CD109: variants seen among roughly 807,000 people sequenced by gnomAD.
The protein encoded by CD109 is CD109 molecule, also known as CD109 antigen.
A neutral mutation model predicts 165.8 loss-of-function variants in CD109; 149 were observed. The observed-to-expected ratio is 0.90, with a 90% CI of 0.79 to 1.03. The LOEUF is 1.03. CD109 is among the 50% of genes least tolerant of loss of function. CD109 has a pLI of 0.00. For synonymous variants in CD109, 585 were observed against 592.1 expected, an observed-to-expected ratio of 0.99 and a Z score of 0.18; for missense variants, 1,712 against 1,677.8, an observed-to-expected ratio of 1.02 and a Z score of -0.36.
upstream of CD109, among the ~76,000 whole-genome samples, chr6:73,691,039 G>A (rs191177317): frequency 2.9e-4 from 44 of 152,132 alleles, no homozygotes; most frequent in Non-Finnish European, 5.3e-4. Context: ...TGTTTCTGCC[G>A]TGTTCCTCCC....
intron 25 of CD109, among the ~76,000 whole-genome samples, chr6:73,807,809 T>G (rs1011206280): frequency 6.6e-6 from 1 of 152,190 alleles, no homozygotes; most frequent in African/African-American, 2.4e-5. Flanking sequence ...TCTGTGATAC[T>G]GAGTGGGAGA....
At chr6:73,744,808 C>T (rs963980426) in intron 5 of CD109, among the ~76,000 whole-genome samples, 5 of 152,156 alleles carry the variant, frequency 3.3e-5, no homozygotes, top group Admixed American at 2.0e-4. Context: ...ATGTTTTTGG[C>T]ATCAGTTAGA....
At chr6:73,696,574 G>A (rs142653766) in intron 1 of CD109, among the ~76,000 whole-genome samples, 1 of 152,330 alleles carries the variant, frequency 6.6e-6, no homozygotes, top group East Asian at 1.9e-4. Flanking sequence ...AGTCCACATT[G>A]CCTCTGCCTT....
chr6:73,807,675 C>T (rs1442885491), intron 25 of CD109, among the ~76,000 whole-genome samples: 1 of 152,072 alleles, frequency 6.6e-6, no homozygotes, highest in Non-Finnish European at 1.5e-5. Flanking sequence ...ATTAGGACCC[C>T]CACTATTTTC....
At chr6:73,778,744 C>A (rs1582144532) in intron 15 of CD109, among the ~76,000 whole-genome samples, 1 of 151,934 alleles carries the variant, frequency 6.6e-6, no homozygotes, top group East Asian at 1.9e-4. Context: ...GTTAGCATTG[C>A]AGAAATAGTG....
At chr6:73,754,497 G>T (rs1004594006) in intron 5 of CD109, among the ~76,000 whole-genome samples, 1 of 152,096 alleles carries the variant, frequency 6.6e-6, no homozygotes. Context: ...GAGGCAGAGG[G>T]GAGATGGAAT....
At chr6:73,768,659 A>T (rs547595247) in intron 14 of CD109, among the ~76,000 whole-genome samples, 2 of 152,312 alleles carry the variant, frequency 1.3e-5, no homozygotes, top group African/African-American at 4.8e-5. Context: ...CTATTTAATT[A>T]GCTGGAAACT....
chr6:73,703,958 G>T (rs1771169403), intron 2 of CD109, among the ~76,000 whole-genome samples: 1 of 152,184 alleles, frequency 6.6e-6, no homozygotes, highest in Admixed American at 6.5e-5. Context: ...GCCAAGGTAG[G>T]TGGATCACTT....
rs1773503135 is a variant in CD109, at chr6:73,758,896, CT to C, written c.674-46del. 7.2e-6 allele frequency: 7 copies of C among 978,262 alleles called. No homozygotes were observed. In the East Asian group the frequency reaches 1.7e-4, roughly 24 times the overall value. 60.6% of individuals were successfully genotyped at this position (978,262 alleles called of 1,614,324 possible). ...TTCTTTAAAAGATTTACCCTTGCTT[CT>C]TCGTCTCAAAAAGAAAAAAAGATTT... is the stretch of plus-strand genomic sequence containing the variant. On this transcript the variant is annotated intron_variant, in intron 6 of 32. Transcript: ENST00000287097.
rs973161548 is a variant in CD109, at chr6:73,810,284, T to A, written c.3546+110T>A. 9.5e-6 allele frequency: 3 copies of A among 314,680 alleles called. No homozygotes were observed. The South Asian group carries it at 4.1e-4, about 43-fold the overall frequency. The allele number at this position is 314,680 out of a possible 1,614,324, so 19.5% of individuals were successfully genotyped here. ...TATATATTATATAAATCATATGTTA[T>A]ATATAAAAAATATTTTTAAAAGTAT... is the stretch of plus-strand genomic sequence containing the variant. On this transcript the variant is annotated intron_variant, in intron 27 of 32. Transcript: ENST00000287097.
chr6:73,707,437 G>C (rs1390525602), intron 2 of CD109, among the ~76,000 whole-genome samples: 1 of 151,922 alleles, frequency 6.6e-6, no homozygotes, highest in Non-Finnish European at 1.5e-5. Flanking sequence ...AGGAGGGAAG[G>C]GATATGAGGT....
At position 73,781,274 on chromosome 6, in the gene CD109, G is replaced by T. The variant is rs755725100; in HGVS notation, c.1918G>T (p.Val640Leu). Residue 640 changes from valine to leucine, a missense_variant, in exon 17 of 33, where the codon GTA (valine) becomes TTA (leucine). Val to Leu is a conservative substitution (Grantham distance 32, BLOSUM62 1). Transcript: ENST00000287097. ...FAVFQECGLW[V>L]LTDANLTKDY... ...TTCTTTTTAGGAATGTGGACTCTGG[G>T]TATTGACAGATGCAAACCTCACGAA... The T allele has an allele frequency of 1.2e-6, 2 of 1,612,604 alleles. No homozygotes were observed. The highest frequency in any genetic ancestry group is 1.7e-6 in the Non-Finnish European group (2 of 1,178,796).
intron 11 of CD109, among the ~76,000 whole-genome samples, chr6:73,766,535 G>GTATA (rs61670174): frequency 4.6e-4 from 68 of 146,694 alleles, no homozygotes; most frequent in African/African-American, 9.8e-4. Context: ...ATGTGTGTGT[G>GTATA]TATATATATA....
intron 15 of CD109, among the ~76,000 whole-genome samples, chr6:73,778,206 C>CT (rs1423272614): frequency 1.3e-5 from 2 of 152,188 alleles, no homozygotes; most frequent in East Asian, 3.9e-4. Context: ...TGGCTCTCTG[C>CT]TGTGTGTTGT....
chr6:73,826,840 A>G lies in CD109; in HGVS notation c.*3207A>G, dbSNP rs1489877967. ...AACTCTCCCTGCTCCTATTCTTTTG[A>G]GCCTAGGTATAATTTTTTTTTTTTT... On this transcript the variant is annotated 3_prime_UTR_variant, in exon 33 of 33. Transcript: ENST00000287097. 2.1e-5 allele frequency: 3 copies of G among 145,174 alleles called. No individual in the cohort carries two copies. The highest frequency in any genetic ancestry group is 4.5e-5 in the Non-Finnish European group (3 of 66,462). The allele number at this position is 145,174 out of a possible 1,614,324, so 9.0% of individuals were successfully genotyped here.
chr6:73,734,888 A>G (rs1389814590), intron 4 of CD109, among the ~76,000 whole-genome samples: 4 of 152,224 alleles, frequency 2.6e-5, no homozygotes, highest in African/African-American at 9.6e-5. Flanking sequence ...AAAATAAAAT[A>G]TGTAAAATAA....
upstream of CD109, chr6:73,695,045 C>T (rs1770771813): frequency 1.3e-5 from 2 of 151,112 alleles, no homozygotes; most frequent in African/African-American, 4.9e-5. Flanking sequence ...TGTCTAGGTG[C>T]TACTTTCTCA....
intron 3 of CD109, among the ~76,000 whole-genome samples, chr6:73,725,795 A>G (rs929538712): frequency 3.3e-4 from 51 of 152,268 alleles, no homozygotes; most frequent in African/African-American, 1.2e-3. Flanking sequence ...TTACAGGCGC[A>G]AGCCACTGCG....
rs1258960475 is a variant in CD109 at position 73,766,991 on chromosome 6, T to C, written c.1478T>C (p.Leu493Ser). The change falls in exon 13 of 33, where the codon TTG (leucine) becomes TCG (serine). Residue 493 changes from leucine (L) to serine (S), a missense_variant. Coordinates refer to ENST00000287097, the MANE Select transcript of CD109 (RefSeq NM_133493.5). ...FELVVSGNKRLKELSYMVVSR... is the reference protein window; with the variant it reads ...FELVVSGNKRSKELSYMVVSR... ...TTGGTGGTTAGTGGCAACAAACGAT[T>C]GAAGGAGTTAAGCTATATGGTAATC... is the stretch of plus-strand genomic sequence containing the variant. The C allele has an allele frequency of 6.2e-6, 10 of 1,613,562 alleles. No homozygotes were observed. The highest frequency in any genetic ancestry group is 8.5e-6 in the Non-Finnish European group (10 of 1,179,644).
Sources: gnomAD v4.1 joint callset for allele counts (sites outside exome capture counted in the v4.1 genomes callset) on GRCh38, gnomAD v4.1.1 for gene constraint, MANE v1.5 for transcripts, NCBI Gene and HGNC (gene_info 2026-07-23, HGNC 2026-07-21) for gene names.